SF3B1: variants seen among roughly 807,000 people sequenced by gnomAD.
SF3B1 encodes the protein splicing factor 3b subunit 1.
Under a neutral mutation model 153.8 loss-of-function variants are expected in SF3B1, and 12 were observed. The observed-to-expected ratio is 0.08, with a 90% CI of 0.05 to 0.13. The LOEUF (loss-of-function observed/expected upper bound fraction) is 0.13, where lower values mean the gene tolerates loss of function less well. SF3B1 is among the 10% of genes least tolerant of loss of function. The pLI, the probability that SF3B1 is intolerant of heterozygous loss-of-function variation, is 1.00. For missense variants in SF3B1, 513 were observed against 1,606.1 expected (o/e 0.32, Z 11.63); for synonymous variants, 498 against 525.2 (o/e 0.95, Z 0.71).
chr2:197,418,760 C>A, intron 4 of SF3B1, 172 bp from the exon 5 acceptor site: 1 of 1,457,466 alleles, frequency 6.9e-7, no homozygotes, highest in South Asian at 1.5e-5. Context: ...GTTTGCTGAT[C>A]AATTTAACCT....
chr2:197,420,085 G>A, intron 4 of SF3B1: 1 of 266,988 alleles, frequency 3.7e-6, no homozygotes, highest in Non-Finnish European at 7.1e-6. Context: ...GATTTGGAAT[G>A]AAAACTTTCA....
chr2:197,418,416 A>T, intron 5 of SF3B1, 93 bp downstream of exon 5: 2 of 880,646 alleles, frequency 2.3e-6, no homozygotes, highest in Non-Finnish European at 3.5e-6. Flanking sequence ...TTATTTGTGC[A>T]GCAAATAGCA....
In SF3B1 at chr2:197,403,775, G is replaced by T; in HGVS notation, c.1540-11C>A. ...CTGACGCAATGCAGCCTGGGAAAAA[G>T]AGCAGAGTAATAGGTGTGGTTTCTT... On this transcript the variant is annotated splice_polypyrimidine_tract_variant and intron_variant, in intron 11 of 24. Transcript: ENST00000335508. 1 of 1,566,618 alleles carries T rather than the reference G, an allele frequency of 6.4e-7. No individual in the cohort carries two copies. The highest frequency in any genetic ancestry group is 1.4e-5 in the African/African-American group (1 of 71,846).
intron 11 of SF3B1, 64 bp downstream of exon 11, chr2:197,405,012 T>C (rs2084975065): frequency 1.7e-6 from 2 of 1,183,550 alleles, no homozygotes; most frequent in Admixed American, 2.6e-5. Flanking sequence ...CTACAAAAAC[T>C]ACAAATTTTT....
chr2:197,411,137 T>C (rs1363808233), intron 6 of SF3B1, among the ~76,000 whole-genome samples: 1 of 152,098 alleles, frequency 6.6e-6, no homozygotes, highest in African/African-American at 2.4e-5. Context: ...GATAAGAGTC[T>C]TACTATGCTG....
At chr2:197,416,451 G>C (rs545346635) in intron 6 of SF3B1, 1 of 260,770 alleles carries the variant, frequency 3.8e-6, no homozygotes, top group South Asian at 1.4e-4. Context: ...ATGAGGGTGG[G>C]GCCCTAATCT....
chr2:197,402,177 G>T lies in SF3B1; in HGVS notation c.2078-47C>A. On this transcript the variant is annotated intron_variant, in intron 14 of 24. Coordinates refer to ENST00000335508, the MANE Select transcript of SF3B1 (RefSeq NM_012433.4). The surrounding 1 kb of genome is among the most constrained non-coding windows in gnomAD (Gnocchi z 4.6). ...TTAACTATGCCCCAACATTACCTAA[G>T]TTACACAATATCATCCAGATTCTCT... 6.4e-7 allele frequency: 1 copy of T among 1,559,934 alleles called. No homozygotes were observed. Among genetic ancestry groups the T allele is most frequent in the Non-Finnish European group, 8.7e-7 (1 of 1,151,772 alleles).
chr2:197,405,076 C>T lies in SF3B1; in HGVS notation c.1539G>A (p.Lys513=). 1 of 1,568,214 alleles carries T rather than the reference C, an allele frequency of 6.4e-7. No homozygotes were observed. The highest frequency in any genetic ancestry group is 8.7e-7 in the Non-Finnish European group (1 of 1,150,012). The part of the protein sequence containing the change: ...KIKNGTPPMR[K]AALRQITDKA... ...GACAATTTAACAAACTGGGACTTACCTTTCTCATTGGTGGTGTTCCATTCT... is the reference window on the plus strand; with the variant it reads ...GACAATTTAACAAACTGGGACTTACTTTTCTCATTGGTGGTGTTCCATTCT... Residue 513 remains lysine (K), a splice_region_variant and synonymous_variant, in exon 11 of 25, where the codon AAG becomes AAA. Coordinates refer to ENST00000335508, the MANE Select transcript of SF3B1 (RefSeq NM_012433.4).
chr2:197,405,365 T>C lies in SF3B1; in HGVS notation c.1347A>G (p.Glu449=). ...CATTAACACTTTTCATAGTTCGATCTTCAGTTTGCATGTGGAAACCAGTCA... is the reference window on the plus strand; with the variant it reads ...CATTAACACTTTTCATAGTTCGATCCTCAGTTTGCATGTGGAAACCAGTCA... ...GGMTGFHMQT[E]DRTMKSVNDQ... is the part of the protein sequence containing the mutation. The change falls in exon 10 of 25, where the codon GAA becomes GAG. Residue 449 remains glutamate (E), a synonymous_variant. Coordinates refer to ENST00000335508, the MANE Select transcript of SF3B1 (RefSeq NM_012433.4). 6.2e-7 allele frequency: 1 copy of C among 1,614,080 alleles called. No homozygotes were observed. Among genetic ancestry groups the C allele is most frequent in the Non-Finnish European group, 8.5e-7 (1 of 1,179,976 alleles).
At chr2:197,434,299 A>T (rs1403638021) in intron 1 of SF3B1, among the ~76,000 whole-genome samples, 1 of 152,210 alleles carries the variant, frequency 6.6e-6, no homozygotes, top group Non-Finnish European at 1.5e-5. Context: ...GTATTCCATA[A>T]AACGATCAAC....
intron 1 of SF3B1, among the ~76,000 whole-genome samples, chr2:197,434,719 G>A (rs1160768231): frequency 6.6e-6 from 1 of 152,194 alleles, no homozygotes; most frequent in Non-Finnish European, 1.5e-5. Flanking sequence ...AGGCCCTCTG[G>A]TCAGAGAAGA....
intron 7 of SF3B1, among the ~76,000 whole-genome samples, chr2:197,409,243 T>A (rs766695062): frequency 6.6e-6 from 1 of 151,946 alleles, no homozygotes; most frequent in East Asian, 1.9e-4. Flanking sequence ...CTACTAAAAA[T>A]ACAAAATTAG....
At chr2:197,409,437 C>A (rs1313503584) in intron 7 of SF3B1, among the ~76,000 whole-genome samples, 1 of 151,996 alleles carries the variant, frequency 6.6e-6, no homozygotes, top group African/African-American at 2.4e-5. Flanking sequence ...TGGCATGCCC[C>A]TATAGTCTCA....
At position 197,413,838 on chromosome 2, in the gene SF3B1, C is replaced by T. The variant is rs575143073; in HGVS notation, c.666+2903G>A. 9.4e-4 allele frequency among the ~76,000 whole-genome samples: 142 copies of T among 151,386 alleles called. 1 individual carries two copies. Among genetic ancestry groups the T allele is most frequent in the African/African-American group, 3.2e-3 (133 of 41,288 alleles). On this transcript the variant is annotated intron_variant, in intron 6 of 24. Transcript: ENST00000335508. Reference sequence around the variant, plus strand: ...TGTTTTTTTTTTTGAGACAGAGTCTCGCTGTGTCGCAAGACTGAAGTGCAG... The same window carrying T: ...TGTTTTTTTTTTTGAGACAGAGTCTTGCTGTGTCGCAAGACTGAAGTGCAG...
rs112919291 is a variant in SF3B1 at position 197,397,909 on chromosome 2, C to A, written c.3266+76G>T. The A allele has an allele frequency of 1.8e-5, 20 of 1,107,080 alleles. 1 individual carries two copies. The South Asian group carries it at 3.0e-4, about 17-fold the overall frequency. The allele number at this position is 1,107,080 out of a possible 1,614,324, so 68.6% of individuals were successfully genotyped here. On this transcript the variant is annotated intron_variant, in intron 22 of 24. Transcript: ENST00000335508. ...GACCATGCCTCAAAAGAGATTTCTA[C>A]ATGGAAGTATTTTCCAATACCACAA...
chr2:197,398,970 C>A (rs1323464790), intron 20 of SF3B1: 1 of 1,095,994 alleles, frequency 9.1e-7, no homozygotes. Flanking sequence ...CCCCCTTACC[C>A]TTTAACTGCA....
At chr2:197,393,825 G>A (rs910496054) in intron 23 of SF3B1, among the ~76,000 whole-genome samples, 2 of 152,164 alleles carry the variant, frequency 1.3e-5, no homozygotes, top group Non-Finnish European at 2.9e-5. Flanking sequence ...TACTAAAGAG[G>A]AGGCATGTGG....
chr2:197,398,721 G>A, intron 20 of SF3B1, 140 bp from the exon 21 acceptor site: 2 of 760,272 alleles, frequency 2.6e-6, no homozygotes, highest in Non-Finnish European at 4.2e-6. Flanking sequence ...CCCAGATTCT[G>A]ACCAGACTCA....
At chr2:197,424,953 C>T (rs1248131484) in intron 1 of SF3B1, among the ~76,000 whole-genome samples, 1 of 151,290 alleles carries the variant, frequency 6.6e-6, no homozygotes, top group Non-Finnish European at 1.5e-5. Context: ...TGAAGTCAGG[C>T]ATTCGAGACC....
Sources: gnomAD v4.1 joint callset for allele counts (sites outside exome capture counted in the v4.1 genomes callset) on GRCh38, gnomAD v4.1.1 for gene constraint, Gnocchi (gnomAD v3.1) non-coding constraint, MANE v1.5 for transcripts, NCBI Gene and HGNC (gene_info 2026-07-23, HGNC 2026-07-21) for gene names.